PARP4: variants seen among roughly 807,000 people sequenced by gnomAD.
PARP4 encodes poly(ADP-ribose) polymerase family member 4, also known as protein mono-ADP-ribosyltransferase PARP4.
A neutral mutation model predicts 187.7 loss-of-function variants in PARP4; 120 were observed. The ratio of observed to expected loss-of-function variants is 0.64; its 90% CI spans 0.55 to 0.74. The LOEUF (loss-of-function observed/expected upper bound fraction) is 0.74. Ranked by LOEUF, PARP4 falls within the 30% of genes least tolerant of loss-of-function variation. PARP4 has a pLI of 0.00. For missense variants in PARP4, 1,836 were observed against 2,070.5 expected (o/e 0.89, Z 2.20); for synonymous variants, 654 against 740.9 (o/e 0.88, Z 1.90).
intron 12 of PARP4, among the ~76,000 whole-genome samples, chr13:24,478,833 TCTC>T (rs1873119415): frequency 6.6e-6 from 1 of 152,224 alleles, no homozygotes; most frequent in Non-Finnish European, 1.5e-5. Context: ...ATTCTACTGT[TCTC>T]CTAAATCTTT....
Position 24,498,148 on chromosome 13 carries a change from A to C in PARP4, c.559T>G (p.Ser187Ala). The C allele has an allele frequency of 6.2e-7, 1 of 1,613,858 alleles. No homozygotes were observed. ...CCATCATCCAGGAGGAAGTGTGAGG[A>C]TATCAGGAAAGGACAGTCCCTGGAG... Reference protein sequence around the residue: ...RDSRDCPFLISSHFLLDDGME... With the variant: ...RDSRDCPFLIASHFLLDDGME... The change falls in exon 6 of 34, where the codon TCC (serine) becomes GCC (alanine). Residue 187 changes from serine (S) to alanine (A), a missense_variant. By Grantham distance (99) the Ser-to-Ala change is moderately conservative (BLOSUM62 1). This residue lies in a region of PARP4 where 1,147 missense variants were observed against 1,214.2 expected (regional missense o/e 0.94). Coordinates refer to ENST00000381989, the MANE Select transcript of PARP4 (RefSeq NM_006437.4).
At chr13:24,439,829 G>C (rs1174394638) in intron 30 of PARP4, among the ~76,000 whole-genome samples, 1 of 152,148 alleles carries the variant, frequency 6.6e-6, no homozygotes, top group Non-Finnish European at 1.5e-5. Context: ...GTCAGAGAGA[G>C]GCCACAGGTC....
In PARP4 at chr13:24,434,854, G is replaced by C. The variant is rs773120515; in HGVS notation, c.4287C>G (p.Phe1429Leu). The C allele has an allele frequency of 2.5e-6, 4 of 1,614,092 alleles. No homozygotes were observed. In the South Asian group the frequency reaches 4.4e-5, roughly 18 times the overall value. The change falls in exon 31 of 34, where the codon TTC becomes TTG. Residue 1429 changes from phenylalanine (F) to leucine (L), a missense_variant. Transcript: ENST00000381989. ...GFTTRPSAGT[F>L]PELDSPQLHF... is the part of the protein sequence containing the mutation. ...GAAGCTGGGGAGAATCCAGCTCAGGGAAGGTGCCAGCAGAAGGCCTGGTAG... is the reference window on the plus strand; with the variant it reads ...GAAGCTGGGGAGAATCCAGCTCAGGCAAGGTGCCAGCAGAAGGCCTGGTAG...
chr13:24,449,164 A>G (rs544776875), intron 25 of PARP4, among the ~76,000 whole-genome samples: 39 of 152,238 alleles, frequency 2.6e-4, no homozygotes, highest in Admixed American at 3.3e-4. Context: ...CAAGGTGGGC[A>G]GATCATGAGG....
intron 3 of PARP4, 78 bp from the exon 4 acceptor site, chr13:24,500,460 G>C: frequency 2.3e-6 from 2 of 878,094 alleles, no homozygotes; most frequent in Non-Finnish European, 3.6e-6. Flanking sequence ...TGCTGGAATT[G>C]TTAAGATTCA....
intron 10 of PARP4, among the ~76,000 whole-genome samples, chr13:24,490,008 G>A (rs367981352): frequency 4.6e-5 from 7 of 152,174 alleles, no homozygotes; most frequent in East Asian, 1.9e-4. Context: ...CCAAGCTGAC[G>A]AAGAGGAACT....
chr13:24,453,635 C>A lies in PARP4; in HGVS notation c.2778G>T (p.Ser926=), dbSNP rs1034194955. Residue 926 remains serine, a synonymous_variant, in exon 23 of 34, where the codon TCG becomes TCT. Coordinates refer to ENST00000381989, the MANE Select transcript of PARP4 (RefSeq NM_006437.4). ...TATTGCTTGTGATATGCTTAGGATACGAAAATAGCTCCTTGTAACCTGTGT... is the reference window on the plus strand; with the variant it reads ...TATTGCTTGTGATATGCTTAGGATAAGAAAATAGCTCCTTGTAACCTGTGT... ...QFGTGYKELF[S]YPKHITSNTM... 4 of 1,604,660 alleles carry A rather than the reference C, an allele frequency of 2.5e-6. No homozygotes were observed. The highest frequency in any genetic ancestry group is 1.3e-5 in the African/African-American group (1 of 74,792).
rs1255386322 is a variant in PARP4, at chr13:24,420,976, ATTC to A, written c.*140_*142del. ...TATTGCTTGTTAGTTGATTAAAGTA[ATTC>A]TTCTTCCACTTAATTTTTAAAGACA... On this transcript the variant is annotated 3_prime_UTR_variant, in exon 34 of 34. Transcript: ENST00000381989. 55 of 1,080,072 alleles carry A rather than the reference ATTC, an allele frequency of 5.1e-5. No homozygotes were observed. Among genetic ancestry groups the A allele is most frequent in the African/African-American group, 1.5e-4 (9 of 61,452 alleles). 66.9% of individuals were successfully genotyped at this position (1,080,072 alleles called of 1,614,324 possible).
At chr13:24,506,037 T>C (rs1176223747) in intron 1 of PARP4, among the ~76,000 whole-genome samples, 1 of 152,168 alleles carries the variant, frequency 6.6e-6, no homozygotes. Context: ...CCCTACCTAG[T>C]GCTGTGTCTG....
intron 33 of PARP4, among the ~76,000 whole-genome samples, chr13:24,422,732 C>T (rs1400883410): frequency 6.6e-6 from 1 of 152,070 alleles, no homozygotes; most frequent in Non-Finnish European, 1.5e-5. Context: ...CCTCAGCCTC[C>T]TGTGTAGCTG....
chr13:24,502,426 T>C (rs1379473682), intron 2 of PARP4, among the ~76,000 whole-genome samples: 1 of 152,246 alleles, frequency 6.6e-6, no homozygotes, highest in African/African-American at 2.4e-5. Context: ...ATCCCCACTG[T>C]TGTCCCCAGT....
In PARP4 at chr13:24,495,755, G is replaced by A. The variant is rs545526912; in HGVS notation, c.592-1033C>T. Reference sequence around the variant, plus strand: ...AGCCGCCCTCCCAGATAGGGGGGCCGCAGGATGCCTCTGAAACTTGGAAAA... The same window carrying A: ...AGCCGCCCTCCCAGATAGGGGGGCCACAGGATGCCTCTGAAACTTGGAAAA... On this transcript the variant is annotated intron_variant, in intron 6 of 33. Coordinates refer to ENST00000381989, the MANE Select transcript of PARP4 (RefSeq NM_006437.4). Among the ~76,000 whole-genome samples, 193 of 152,316 alleles carry A rather than the reference G, an allele frequency of 1.3e-3. 1 individual carries two copies. Among genetic ancestry groups the A allele is most frequent in the African/African-American group, 4.4e-3 (182 of 41,568 alleles).
intron 18 of PARP4, chr13:24,459,547 GCA>G (rs1206368070): frequency 2.1e-4 from 49 of 232,976 alleles, no homozygotes; most frequent in Middle Eastern, 1.2e-3. Context: ...ACACACACAC[GCA>G]CACACACACA....
At chr13:24,452,675 C>G in intron 23 of PARP4, 82 bp from the exon 24 acceptor site, 1 of 1,113,200 alleles carries the variant, frequency 9.0e-7, no homozygotes. Flanking sequence ...CATCTAAGGA[C>G]AGTGTAGGGA....
chr13:24,464,848 C>T (rs184104065), intron 17 of PARP4, among the ~76,000 whole-genome samples: 105 of 151,850 alleles, frequency 6.9e-4, no homozygotes, highest in South Asian at 3.5e-3. Context: ...ATCAGCAGAG[C>T]GACCAGACAA....
At chr13:24,464,471 T>TA (rs1162227596) in intron 17 of PARP4, among the ~76,000 whole-genome samples, 1 of 152,074 alleles carries the variant, frequency 6.6e-6, no homozygotes, top group African/African-American at 2.4e-5. Context: ...TGGAACAGAA[T>TA]AGAGATCTCA....
intron 33 of PARP4, among the ~76,000 whole-genome samples, chr13:24,422,586 T>C (rs1005218588): frequency 6.6e-6 from 1 of 152,114 alleles, no homozygotes; most frequent in Non-Finnish European, 1.5e-5. Flanking sequence ...AAGTTTCAAA[T>C]ATGCAATAAA....
chr13:24,482,100 G>A (rs1266363857), intron 12 of PARP4, among the ~76,000 whole-genome samples: 1 of 152,224 alleles, frequency 6.6e-6, no homozygotes, highest in African/African-American at 2.4e-5. Context: ...CTTCAGTGAA[G>A]AAAGTCACTG....
intron 10 of PARP4, among the ~76,000 whole-genome samples, chr13:24,487,693 C>G (rs1176097549): frequency 6.6e-6 from 1 of 152,156 alleles, no homozygotes; most frequent in East Asian, 1.9e-4. Flanking sequence ...CTTCCCAACC[C>G]CATGTCCAGT....
Sources: gnomAD v4.1 joint callset for allele counts (sites outside exome capture counted in the v4.1 genomes callset) on GRCh38, gnomAD v4.1.1 for gene constraint, gnomAD v4.1.1 regional missense constraint, MANE v1.5 for transcripts, NCBI Gene and HGNC (gene_info 2026-07-23, HGNC 2026-07-21) for gene names.